The following ANK2 variants were observed in gnomAD, a reference collection of about 807,000 sequenced individuals.
ANK2 encodes ankyrin-2.
A neutral mutation model predicts 360.5 loss-of-function variants in ANK2; 83 were observed. That is an observed-to-expected ratio of 0.23 (90% CI 0.19 to 0.28). ANK2 has a LOEUF of 0.28. Among genes scored for constraint, ANK2 ranks in the 10% least tolerant of loss-of-function variants. The pLI is 1.00. For synonymous variants in ANK2, 1,740 were observed against 1,759.5 expected, an observed-to-expected ratio of 0.99 and a Z score of 0.28; for missense variants, 4,201 against 4,795.7, an observed-to-expected ratio of 0.88 and a Z score of 3.66.
intron 2 of ANK2, among the ~76,000 whole-genome samples, chr4:113,182,263 G>A (rs569469272): frequency 6.6e-6 from 1 of 152,236 alleles, no homozygotes; most frequent in East Asian, 1.9e-4. Flanking sequence ...AGGTTTGAGG[G>A]AATACTCAGC....
intron 2 of ANK2, among the ~76,000 whole-genome samples, chr4:113,028,535 G>A (rs2059735516): frequency 6.6e-6 from 1 of 152,122 alleles, no homozygotes; most frequent in African/African-American, 2.4e-5. Flanking sequence ...TGGTATATAA[G>A]CACTACAATA....
At chr4:112,861,962 C>T (rs957983579) in intron 1 of ANK2, among the ~76,000 whole-genome samples, 5 of 151,772 alleles carry the variant, frequency 3.3e-5, no homozygotes, top group Admixed American at 2.6e-4. Flanking sequence ...AAAATGGCAC[C>T]GAGTCCAAAC....
At chr4:113,041,298 C>T (rs9685098) in intron 2 of ANK2, among the ~76,000 whole-genome samples, 4,006 of 152,190 alleles carry the variant, frequency 0.026, 83 homozygotes, top group Non-Finnish European at 0.036. Context: ...GGCATCTTCC[C>T]ATGCCCCACT....
chr4:113,031,606 T>A (rs1018241309), intron 2 of ANK2: 1 of 151,010 alleles, frequency 6.6e-6, no homozygotes, highest in Non-Finnish European at 1.5e-5. Flanking sequence ...TTTGACTTGA[T>A]GACTTAGTGT....
rs2090640564 is a variant in ANK2, at chr4:112,918,692, T to C, written c.21+14178T>C. ...CTGTCTTCTTAAGTGTTTTGAATGTTATTTGGCATATCAACAGAATGAATA... is the reference window on the plus strand; with the variant it reads ...CTGTCTTCTTAAGTGTTTTGAATGTCATTTGGCATATCAACAGAATGAATA... On this transcript the variant is annotated intron_variant, in intron 2 of 30. Transcript: ENST00000503271. Among the ~76,000 whole-genome samples the C allele has an allele frequency of 2.0e-5, 3 of 152,350 alleles. No individual in the cohort carries two copies. The South Asian group carries it at 6.2e-4, about 32-fold the overall frequency.
intron 2 of ANK2, among the ~76,000 whole-genome samples, chr4:112,990,016 A>G (rs1358020275): frequency 6.6e-6 from 1 of 152,168 alleles, no homozygotes; most frequent in Non-Finnish European, 1.5e-5. Flanking sequence ...TATGCCTGTA[A>G]TCCTAATGCT....
At chr4:112,854,394 A>T (rs2065816067) in intron 1 of ANK2, among the ~76,000 whole-genome samples, 1 of 152,198 alleles carries the variant, frequency 6.6e-6, no homozygotes. Context: ...GTAGAGGAGG[A>T]CACTGAAGAT....
At chr4:113,109,281 C>T (rs1336041675) in intron 1 of ANK2, among the ~76,000 whole-genome samples, 1 of 152,166 alleles carries the variant, frequency 6.6e-6, no homozygotes, top group Non-Finnish European at 1.5e-5. Flanking sequence ...TATTTGAAGT[C>T]TTTATAGATC....
intron 26 of ANK2, among the ~76,000 whole-genome samples, chr4:113,325,620 A>G (rs1160875161): frequency 6.6e-6 from 1 of 152,212 alleles, no homozygotes; most frequent in Non-Finnish European, 1.5e-5. Context: ...AAACTTCATC[A>G]TCATTTTAAA....
At chr4:113,141,898 A>G (rs1258649142) in intron 1 of ANK2, among the ~76,000 whole-genome samples, 1 of 152,234 alleles carries the variant, frequency 6.6e-6, no homozygotes, top group African/African-American at 2.4e-5. Flanking sequence ...ACACAGCAAT[A>G]CAAATGAAAT....
chr4:112,996,313 G>A (rs529336431), intron 2 of ANK2, among the ~76,000 whole-genome samples: 1 of 152,206 alleles, frequency 6.6e-6, no homozygotes, highest in South Asian at 2.1e-4. Context: ...GGGAAACTTA[G>A]GAGTGATGAA....
chr4:113,046,378 A>G (rs1430344344), upstream of ANK2, among the ~76,000 whole-genome samples: 6 of 152,128 alleles, frequency 3.9e-5, no homozygotes, highest in Admixed American at 3.3e-4. Flanking sequence ...TGACACTGCT[A>G]TGGCTTGAAT....
intron 18 of ANK2, among the ~76,000 whole-genome samples, chr4:113,285,604 C>T (rs2064154317): frequency 6.6e-6 from 1 of 152,130 alleles, no homozygotes; most frequent in Admixed American, 6.5e-5. Flanking sequence ...CTTCCATGCC[C>T]TTCCTGGGTG....
chr4:112,713,932 TCAAAAAAAAAAA>T, the ANK2 span, among the ~76,000 whole-genome samples: 5 of 79,766 alleles, frequency 6.3e-5, no homozygotes, highest in East Asian at 5.3e-4. Flanking sequence ...AGACTCCGTC[TCAAAAAAAAAAA>T]CAAAAAAAAA....
upstream of ANK2, chr4:113,049,629 C>CACCACCACCAGCTT: frequency 1.3e-6 from 2 of 1,505,692 alleles, no homozygotes; most frequent in Non-Finnish European, 1.8e-6. Flanking sequence ...CCCACCCCTC[C>CACCACCACCAGCTT]TCCTCCTCCT....
chr4:113,139,176 G>A (rs779998754), intron 1 of ANK2, among the ~76,000 whole-genome samples: 10 of 152,184 alleles, frequency 6.6e-5, no homozygotes, highest in Non-Finnish European at 1.0e-4. Flanking sequence ...TAGCCAGGCA[G>A]CTTTCTCTCC....
intron 1 of ANK2, among the ~76,000 whole-genome samples, chr4:112,829,421 G>A (rs1560693035): frequency 1.5e-5 from 2 of 135,908 alleles, no homozygotes; most frequent in African/African-American, 2.9e-5. Context: ...TTTGGGAGGC[G>A]AAGGCAGAAG....
chr4:113,373,450 G>A lies in ANK2; in HGVS notation c.11859+1G>A, dbSNP rs1177120193. ...GAAGAGTGACACCGAGCAGTCAGAG[G>A]TGAGACAACCTGATTCTCTAAAACC... On this transcript the variant is annotated splice_donor_variant, in intron 45 of 45. Transcript: ENST00000357077. LOFTEE classifies it high-confidence loss of function. 1 of 1,614,010 alleles carries A rather than the reference G, an allele frequency of 6.2e-7. No homozygotes were observed. Among genetic ancestry groups the A allele is most frequent in the Non-Finnish European group, 8.5e-7 (1 of 1,180,004 alleles).
At chr4:113,346,153 A>G (rs1329111114) in intron 35 of ANK2, 131 bp downstream of exon 35, 20 of 1,021,998 alleles carry the variant, frequency 2.0e-5, no homozygotes, top group African/African-American at 3.2e-5. Context: ...AATGAATACC[A>G]ACAAAGACTG....
Sources: allele counts gnomAD v4.1 joint callset (sites outside exome capture counted in the v4.1 genomes callset), GRCh38; gene constraint gnomAD v4.1.1; transcripts MANE v1.5; gene names NCBI Gene and HGNC (gene_info 2026-07-23, HGNC 2026-07-21).